ROBO2: variants seen among roughly 807,000 people sequenced by gnomAD.
The protein encoded by ROBO2 is roundabout homolog 2.
A neutral mutation model predicts 160.8 loss-of-function variants in ROBO2; 53 were observed. That is an observed-to-expected ratio of 0.33 (90% CI 0.26 to 0.41). The LOEUF is 0.41. Ranked by LOEUF, ROBO2 falls within the 10% of genes least tolerant of loss-of-function variation. The pLI is 1.00. For synonymous variants in ROBO2, 664 were observed against 611.7 expected (o/e 1.09, Z -1.26); for missense variants, 1,577 against 1,722.4 (o/e 0.92, Z 1.49).
At chr3:77,102,451 C>T (rs957058589) in intron 2 of ROBO2, among the ~76,000 whole-genome samples, 1 of 152,136 alleles carries the variant, frequency 6.6e-6, no homozygotes, top group Non-Finnish European at 1.5e-5. Context: ...GAGAGAAAGT[C>T]AGTTGAGAAC....
intron 20 of ROBO2, among the ~76,000 whole-genome samples, chr3:77,606,649 G>T (rs564310960): frequency 1.3e-5 from 2 of 152,296 alleles, no homozygotes; most frequent in Non-Finnish European, 2.9e-5. Context: ...GCTCAAATAT[G>T]TTCCTATTAA....
intron 2 of ROBO2, among the ~76,000 whole-genome samples, chr3:76,473,793 A>C (rs2078791874): frequency 6.6e-6 from 1 of 152,186 alleles, no homozygotes; most frequent in African/African-American, 2.4e-5. Flanking sequence ...AAGAAATGTT[A>C]AATTTTTTCA....
chr3:76,153,682 G>A (rs1018159468), intron 2 of ROBO2, among the ~76,000 whole-genome samples: 2 of 152,098 alleles, frequency 1.3e-5, no homozygotes, highest in Admixed American at 6.6e-5. Context: ...CCCTCACATG[G>A]AGCCCAATGT....
At chr3:76,001,404 C>G (rs1041257225) in intron 2 of ROBO2, among the ~76,000 whole-genome samples, 1 of 152,176 alleles carries the variant, frequency 6.6e-6, no homozygotes, top group Non-Finnish European at 1.5e-5. Flanking sequence ...TCAAGTTTCT[C>G]TATAACTCAG....
At chr3:76,213,271 T>A (rs1703267626) in intron 2 of ROBO2, among the ~76,000 whole-genome samples, 1 of 152,014 alleles carries the variant, frequency 6.6e-6, no homozygotes, top group South Asian at 2.1e-4. Context: ...AAAAGAATCT[T>A]GAAAATCAGA....
chr3:76,148,517 C>CA (rs2106820291), intron 2 of ROBO2, among the ~76,000 whole-genome samples: 1 of 152,114 alleles, frequency 6.6e-6, no homozygotes, highest in South Asian at 2.1e-4. Context: ...CCTTTTATAG[C>CA]AAAATTTATC....
intron 2 of ROBO2, among the ~76,000 whole-genome samples, chr3:77,022,770 T>C (rs1404493803): frequency 6.6e-6 from 1 of 152,242 alleles, no homozygotes; most frequent in Non-Finnish European, 1.5e-5. Context: ...ATTAACATTT[T>C]TTTCAATTGC....
intron 2 of ROBO2, among the ~76,000 whole-genome samples, chr3:77,175,169 A>G (rs1228425137): frequency 2.0e-5 from 3 of 152,064 alleles, no homozygotes; most frequent in Non-Finnish European, 4.4e-5. Context: ...GAAACTATAT[A>G]TTTAGTAGTA....
chr3:75,932,926 C>T (rs1947607592), intron 1 of ROBO2, among the ~76,000 whole-genome samples: 1 of 152,054 alleles, frequency 6.6e-6, no homozygotes, highest in Non-Finnish European at 1.5e-5. Context: ...ATTTTAAATA[C>T]ATGCATGTGT....
chr3:77,104,887 C>T (rs1358418222), intron 2 of ROBO2, among the ~76,000 whole-genome samples: 1 of 152,120 alleles, frequency 6.6e-6, no homozygotes, highest in Non-Finnish European at 1.5e-5. Flanking sequence ...CCACAAAGTT[C>T]CTAATAAATC....
intron 2 of ROBO2, among the ~76,000 whole-genome samples, chr3:76,474,303 CTTAG>C (rs1043696152): frequency 1.3e-5 from 2 of 152,040 alleles, no homozygotes; most frequent in African/African-American, 4.8e-5. Flanking sequence ...CTAGATTTAT[CTTAG>C]TTAAATGATA....
At chr3:76,377,529 T>C (rs2076405869) in intron 2 of ROBO2, among the ~76,000 whole-genome samples, 1 of 152,192 alleles carries the variant, frequency 6.6e-6, no homozygotes, top group Admixed American at 6.5e-5. Flanking sequence ...GTTGTGATAC[T>C]GTAGGCATTC....
intron 2 of ROBO2, among the ~76,000 whole-genome samples, chr3:76,720,641 T>C (rs895376277): frequency 9.2e-5 from 14 of 152,248 alleles, no homozygotes; most frequent in Non-Finnish European, 1.5e-4. Context: ...AAAGAAGCTA[T>C]AGACTAGTGT....
chr3:77,441,529 A>G (rs2079922743), intron 2 of ROBO2, among the ~76,000 whole-genome samples: 1 of 152,178 alleles, frequency 6.6e-6, no homozygotes, highest in Non-Finnish European at 1.5e-5. Flanking sequence ...GATTGAAAAT[A>G]CGAGATATGA....
At chr3:77,317,393 C>T (rs1182147893) in intron 2 of ROBO2, 19 of 1,168,114 alleles carry the variant, frequency 1.6e-5, no homozygotes, top group African/African-American at 3.0e-5. Flanking sequence ...TCCATTTCTC[C>T]GTAGACCTCG....
intron 2 of ROBO2, among the ~76,000 whole-genome samples, chr3:76,781,381 A>G (rs2108610577): frequency 6.6e-6 from 1 of 150,820 alleles, no homozygotes; most frequent in South Asian, 2.1e-4. Flanking sequence ...TCTTTCTTTC[A>G]AACTTGAATG....
intron 2 of ROBO2, among the ~76,000 whole-genome samples, chr3:77,385,060 C>T (rs112830572): frequency 0.04 from 6,081 of 152,216 alleles, 400 homozygotes; most frequent in African/African-American, 0.14. Flanking sequence ...TAGACGGAGT[C>T]TCTCTGTTGC....
At chr3:75,925,512 T>C (rs1450560813) in intron 1 of ROBO2, among the ~76,000 whole-genome samples, 1 of 152,296 alleles carries the variant, frequency 6.6e-6, no homozygotes, top group African/African-American at 2.4e-5. Flanking sequence ...TTGAATAACC[T>C]GATACTCTTT....
intron 2 of ROBO2, among the ~76,000 whole-genome samples, chr3:76,141,179 A>ATATATATATATT (rs1168896409): frequency 3.8e-5 from 4 of 104,480 alleles, no homozygotes; most frequent in East Asian, 3.3e-4. Context: ...ATATATATAT[A>ATATATATATATT]TATATATATT....
Sources: allele counts gnomAD v4.1 joint callset (sites outside exome capture counted in the v4.1 genomes callset), GRCh38; gene constraint gnomAD v4.1.1; transcripts MANE v1.5; gene names NCBI Gene and HGNC (gene_info 2026-07-23, HGNC 2026-07-21).